MAP7: variants seen among roughly 807,000 people sequenced by gnomAD.
MAP7 encodes microtubule associated protein 7, also known as ensconsin.
In MAP7, 52 loss-of-function variants were observed where a neutral mutation model predicts 94.8. The observed-to-expected ratio is 0.55, with a 90% CI of 0.44 to 0.69. The LOEUF is 0.69. Ranked by LOEUF, MAP7 falls within the 30% of genes least tolerant of loss-of-function variation. The pLI, the probability that MAP7 is intolerant of heterozygous loss-of-function variation, is 0.00. For synonymous variants in MAP7, 350 were observed against 357.0 expected, an observed-to-expected ratio of 0.98 and a Z score of 0.22; for missense variants, 940 against 964.6, an observed-to-expected ratio of 0.97 and a Z score of 0.34.
At chr6:136,375,053 A>C (rs897698261) in intron 7 of MAP7, among the ~76,000 whole-genome samples, 1 of 152,184 alleles carries the variant, frequency 6.6e-6, no homozygotes, top group Non-Finnish European at 1.5e-5. Context: ...TCTTGGTGGT[A>C]AGTATGCATT....
intron 16 of MAP7, among the ~76,000 whole-genome samples, chr6:136,351,344 A>G (rs1789151851): frequency 6.6e-6 from 1 of 152,228 alleles, no homozygotes; most frequent in South Asian, 2.1e-4. Flanking sequence ...ATCACACTGC[A>G]GCTACACCTA....
chr6:136,502,661 T>C (rs911572494), intron 1 of MAP7, among the ~76,000 whole-genome samples: 6 of 152,230 alleles, frequency 3.9e-5, no homozygotes, highest in African/African-American at 1.4e-4. Context: ...TAGGGGCTGA[T>C]GGGTCCTGAA....
At chr6:136,517,151 T>C (rs1825109892) in intron 1 of MAP7, among the ~76,000 whole-genome samples, 1 of 152,162 alleles carries the variant, frequency 6.6e-6, no homozygotes, top group Non-Finnish European at 1.5e-5. Context: ...ATTTATTTCC[T>C]TCATCTAACA....
At position 136,493,121 on chromosome 6, in the gene MAP7, C is replaced by CTTT. The variant is rs397795796; in HGVS notation, c.67+57218_67+57220dup. Among the ~76,000 whole-genome samples the CTTT allele has an allele frequency of 7.1e-4, 88 of 123,320 alleles. 2 individuals are homozygous for CTTT. The highest frequency in any genetic ancestry group is 7.0e-3 in the South Asian group (28 of 3,974). 80.9% of individuals were successfully genotyped at this position (123,320 alleles called of 152,430 possible). A position where few individuals can be genotyped will look rare whatever the true frequency, so the allele number is the denominator to read the frequency against. On this transcript the variant is annotated intron_variant, in intron 1 of 17. Coordinates refer to ENST00000354570, the MANE Select transcript of MAP7 (RefSeq NM_003980.6). ...TTTTTTTGTGCTCTTTTCTTCTTTCCTTTTTTTTTTTTTTTTTTTGAGACG... is the reference window on the plus strand; with the variant it reads ...TTTTTTTGTGCTCTTTTCTTCTTTCCTTTTTTTTTTTTTTTTTTTTTTGAGACG...
At chr6:136,364,252 T>G in intron 10 of MAP7, 1 of 542,570 alleles carries the variant, frequency 1.8e-6, no homozygotes, top group Non-Finnish European at 3.7e-6. Flanking sequence ...GGTGTAAATG[T>G]TGAACCTTTT....
intron 2 of MAP7, chr6:136,420,336 G>A: frequency 8.7e-6 from 6 of 687,860 alleles, no homozygotes; most frequent in Non-Finnish European, 1.3e-5. Flanking sequence ...CGCTTGCCCT[G>A]CGTGCCCAGC....
At chr6:136,539,461 T>C (rs1412128844) in intron 1 of MAP7, among the ~76,000 whole-genome samples, 4 of 152,188 alleles carry the variant, frequency 2.6e-5, no homozygotes, top group Admixed American at 2.0e-4. Flanking sequence ...CCATATAATC[T>C]TAAAGAGAAA....
intron 2 of MAP7, among the ~76,000 whole-genome samples, chr6:136,412,695 A>C (rs1787876594): frequency 6.6e-6 from 1 of 152,176 alleles, no homozygotes; most frequent in Admixed American, 6.5e-5. Flanking sequence ...CTCATGGTTA[A>C]GGTGAGGACT....
chr6:136,380,249 A>G (rs1467979609), intron 6 of MAP7, among the ~76,000 whole-genome samples: 1 of 152,224 alleles, frequency 6.6e-6, no homozygotes, highest in Non-Finnish European at 1.5e-5. Context: ...AACAAACTTT[A>G]TGGATACCTG....
At chr6:136,500,999 T>A (rs559501206) in intron 1 of MAP7, among the ~76,000 whole-genome samples, 2 of 152,276 alleles carry the variant, frequency 1.3e-5, no homozygotes, top group Admixed American at 1.3e-4. Flanking sequence ...TTTCCAAGAA[T>A]CTTATTATTG....
intron 15 of MAP7, among the ~76,000 whole-genome samples, chr6:136,357,056 GTAT>G (rs1791188260): frequency 6.6e-6 from 1 of 152,158 alleles, no homozygotes; most frequent in South Asian, 2.1e-4. Flanking sequence ...GAAGGGCAAA[GTAT>G]TATTATTTTT....
At chr6:136,533,819 T>C (rs949703096) in intron 1 of MAP7, among the ~76,000 whole-genome samples, 3 of 152,196 alleles carry the variant, frequency 2.0e-5, no homozygotes, top group African/African-American at 7.2e-5. Flanking sequence ...AAGCCATTCA[T>C]AAGATCGGCT....
chr6:136,447,223 A>C (rs1320689752), intron 1 of MAP7, among the ~76,000 whole-genome samples: 1 of 152,216 alleles, frequency 6.6e-6, no homozygotes, highest in Non-Finnish European at 1.5e-5. Flanking sequence ...TGAACACTAC[A>C]GAGAAATTAC....
intron 1 of MAP7, among the ~76,000 whole-genome samples, chr6:136,539,868 A>G (rs1279760469): frequency 1.3e-5 from 2 of 152,190 alleles, no homozygotes; most frequent in South Asian, 2.1e-4. Context: ...AGTCTCAGGT[A>G]CTCGGTAGGC....
chr6:136,467,494 C>T (rs1226431694), intron 1 of MAP7, among the ~76,000 whole-genome samples: 1 of 152,148 alleles, frequency 6.6e-6, no homozygotes, highest in Non-Finnish European at 1.5e-5. Flanking sequence ...ATTCTGAAGG[C>T]TTTCCCAGGG....
chr6:136,386,227 T>C (rs1246520542), intron 5 of MAP7, among the ~76,000 whole-genome samples: 2 of 152,212 alleles, frequency 1.3e-5, no homozygotes, highest in East Asian at 3.8e-4. Flanking sequence ...GTAAAGGGTA[T>C]TCAAAATGAA....
intron 16 of MAP7, among the ~76,000 whole-genome samples, chr6:136,351,863 A>T (rs1426256344): frequency 6.6e-6 from 1 of 152,178 alleles, no homozygotes; most frequent in Non-Finnish European, 1.5e-5. Flanking sequence ...GTGCTTGCTC[A>T]GCAGGCTTCT....
intron 1 of MAP7, among the ~76,000 whole-genome samples, chr6:136,469,092 C>T (rs1808100817): frequency 1.3e-5 from 2 of 152,108 alleles, no homozygotes; most frequent in Non-Finnish European, 2.9e-5. Context: ...CGACAAGTGG[C>T]TCAAGCCAAT....
intron 16 of MAP7, among the ~76,000 whole-genome samples, chr6:136,354,011 T>C (rs962552005): frequency 7.3e-5 from 11 of 151,162 alleles, no homozygotes; most frequent in African/African-American, 2.7e-4. Context: ...AAATTTGTGA[T>C]CTGCTGTTTT....
Sources: gnomAD v4.1 joint callset for allele counts (sites outside exome capture counted in the v4.1 genomes callset) on GRCh38, gnomAD v4.1.1 for gene constraint, MANE v1.5 for transcripts, NCBI Gene and HGNC (gene_info 2026-07-23, HGNC 2026-07-21) for gene names.